CATSPERD: variants seen among roughly 807,000 people sequenced by gnomAD.
CATSPERD encodes cation channel sperm-associated auxiliary subunit delta.
CATSPERD carries 86 observed loss-of-function variants against 98.1 expected under a neutral mutation model. That is an observed-to-expected ratio of 0.88 (90% CI 0.74 to 1.05). The LOEUF is 1.05. Among genes scored for constraint, CATSPERD ranks in the 50% least tolerant of loss-of-function variants. The probability of loss-of-function intolerance (pLI) is 0.00; values close to 1 mark genes in which losing one functional copy is unlikely to be tolerated. For missense variants in CATSPERD, 995 were observed against 1,005.7 expected (o/e 0.99, Z 0.14); for synonymous variants, 394 against 390.2 (o/e 1.01, Z -0.12).
chr19:5,751,379 A>G (rs979345479), intron 11 of CATSPERD, among the ~76,000 whole-genome samples: 1 of 150,178 alleles, frequency 6.7e-6, no homozygotes, highest in South Asian at 2.1e-4. Context: ...CAAAGAAAAA[A>G]AAAATTAGCC....
intron 7 of CATSPERD, among the ~76,000 whole-genome samples, chr19:5,739,789 T>C (rs1217551120): frequency 1.4e-5 from 2 of 147,368 alleles, no homozygotes; most frequent in African/African-American, 5.1e-5. Flanking sequence ...GTGGTGACTA[T>C]GATCACAGCT....
intron 13 of CATSPERD, among the ~76,000 whole-genome samples, chr19:5,756,748 C>T (rs975226716): frequency 1.1e-4 from 16 of 151,916 alleles, no homozygotes; most frequent in African/African-American, 3.6e-4. Flanking sequence ...AGTTTGAGAC[C>T]AGCCTGTGCA....
At chr19:5,753,913 A>T (rs1158971474) in intron 12 of CATSPERD, among the ~76,000 whole-genome samples, 1 of 151,922 alleles carries the variant, frequency 6.6e-6, no homozygotes, top group African/African-American at 2.4e-5. Flanking sequence ...ATTACTGCGC[A>T]TGTCAGGGTT....
chr19:5,738,466 A>T (rs1317175730), intron 6 of CATSPERD, among the ~76,000 whole-genome samples: 3 of 152,168 alleles, frequency 2.0e-5, no homozygotes, highest in East Asian at 3.9e-4. Flanking sequence ...CAGAAGGCGC[A>T]GGTTATAGTG....
chr19:5,742,943 C>T (rs144397769), intron 7 of CATSPERD, among the ~76,000 whole-genome samples: 2 of 152,158 alleles, frequency 1.3e-5, no homozygotes, highest in African/African-American at 4.8e-5. Context: ...TGTCCACATC[C>T]TAATTCCTGG....
At chr19:5,745,526 C>T (rs956270190) in intron 8 of CATSPERD, among the ~76,000 whole-genome samples, 3 of 152,020 alleles carry the variant, frequency 2.0e-5, no homozygotes, top group Non-Finnish European at 4.4e-5. Flanking sequence ...GAGGCTGAGG[C>T]AGGAGAATCA....
chr19:5,744,163 A>C, intron 7 of CATSPERD, among the ~76,000 whole-genome samples: 1 of 152,008 alleles, frequency 6.6e-6, no homozygotes. Flanking sequence ...TATTTTTAGT[A>C]GAGATGGGGT....
In CATSPERD at chr19:5,742,039, GA is replaced by G. The variant is rs1467502006; in HGVS notation, c.574-2377del. The stretch of plus-strand genomic sequence containing the variant: ...TGACAGAGTGAAACTCTGTCTCAAG[GA>G]AAAAAAAAAAGAACAAACAAAAAAA... On this transcript the variant is annotated intron_variant, in intron 7 of 21. Coordinates refer to ENST00000381624, the MANE Select transcript of CATSPERD (RefSeq NM_152784.4). 5.2e-4 allele frequency among the ~76,000 whole-genome samples: 71 copies of G among 136,636 alleles called. 1 individual carries two copies. The highest frequency in any genetic ancestry group is 2.3e-3 in the South Asian group (10 of 4,314). 89.6% of individuals were successfully genotyped at this position (136,636 alleles called of 152,430 possible).
intron 13 of CATSPERD, among the ~76,000 whole-genome samples, chr19:5,756,857 C>T (rs894206154): frequency 6.6e-6 from 1 of 151,952 alleles, no homozygotes; most frequent in African/African-American, 2.4e-5. Flanking sequence ...ACATGAGAAT[C>T]GCTTGAACCC....
At chr19:5,737,814 CACTCCAGCCTGGGCAACAAGAGTGAA>C (rs2055878546) in intron 6 of CATSPERD, among the ~76,000 whole-genome samples, 1 of 149,096 alleles carries the variant, frequency 6.7e-6, no homozygotes, top group African/African-American at 2.5e-5. Flanking sequence ...TGCACCATTG[CACTCCAGCCTGGGCAACAAGAGTGAA>C]ACTCCATCTC....
chr19:5,763,765 C>T (rs1167418870), intron 16 of CATSPERD, among the ~76,000 whole-genome samples: 2 of 146,010 alleles, frequency 1.4e-5, no homozygotes, highest in African/African-American at 5.0e-5. Flanking sequence ...CACTTACAGG[C>T]GTGAGCCACT....
intron 10 of CATSPERD, among the ~76,000 whole-genome samples, chr19:5,748,730 T>TTC (rs1198590179): frequency 2.2e-5 from 3 of 136,112 alleles, no homozygotes; most frequent in Admixed American, 7.6e-5. Context: ...ATATTATTCT[T>TTC]TTTTTTTTTT....
At position 5,759,927 on chromosome 19, in the gene CATSPERD, A is replaced by T. The variant is rs185856014; in HGVS notation, c.1427+783A>T. ...CCCCATCTCTACTAAAAATACAAAA[A>T]TTAGCCGGGCATGGTGGTATGCGCC... On this transcript the variant is annotated intron_variant, in intron 15 of 21. Transcript: ENST00000381624. Among the ~76,000 whole-genome samples, 1,021 of 151,066 alleles carry T rather than the reference A, an allele frequency of 6.8e-3. 19 individuals are homozygous for T. Among genetic ancestry groups the T allele is most frequent in the African/African-American group, 0.024 (984 of 41,116 alleles).
rs762460181 is a variant in CATSPERD at position 5,731,091 on chromosome 19, C to CA, written c.276+1164dup. Reference sequence around the variant, plus strand: ...TGGGTGACAGAGCGAGACTCCGTCTCAAAAAAAAAAAAAAAAAGAGCCCCC... The same window carrying CA: ...TGGGTGACAGAGCGAGACTCCGTCTCAAAAAAAAAAAAAAAAAAGAGCCCCC... On this transcript the variant is annotated intron_variant, in intron 4 of 21. Transcript: ENST00000381624. Among the ~76,000 whole-genome samples the CA allele has an allele frequency of 6.6e-3, 491 of 74,878 alleles. 3 individuals carry two copies. The highest frequency in any genetic ancestry group is 0.019 in the African/African-American group (358 of 18,836). 49.1% of individuals were successfully genotyped at this position (74,878 alleles called of 152,430 possible).
rs550589225 is a variant in CATSPERD, at chr19:5,749,062, C to A, written c.905-39C>A. 4.0e-5 allele frequency: 62 copies of A among 1,547,418 alleles called. 1 individual carries two copies. In the South Asian group the frequency reaches 6.4e-4, roughly 16 times the overall value. On this transcript the variant is annotated intron_variant, in intron 10 of 21. Transcript: ENST00000381624. Reference sequence around the variant, plus strand: ...TGTTTTTGTCCACAGAAATGACCAGCATTTCAATTTTTGTTTTGTCTTGTT... The same window carrying A: ...TGTTTTTGTCCACAGAAATGACCAGAATTTCAATTTTTGTTTTGTCTTGTT...
At chr19:5,751,997 C>CA (rs201946322) in intron 12 of CATSPERD, among the ~76,000 whole-genome samples, 174 bp downstream of exon 12, 1,687 of 151,374 alleles carry the variant, frequency 0.011, 43 homozygotes, top group African/African-American at 0.039. Context: ...ATTTCTAAAA[C>CA]AAAAAAAAAT....
intron 1 of CATSPERD, among the ~76,000 whole-genome samples, chr19:5,724,426 G>A (rs1331184853): frequency 5.3e-5 from 8 of 152,230 alleles, no homozygotes; most frequent in East Asian, 3.9e-4. Flanking sequence ...TTGGCTGGGC[G>A]CAGTGGCTCA....
chr19:5,731,112 C>T (rs956366684), intron 4 of CATSPERD, among the ~76,000 whole-genome samples: 1 of 150,412 alleles, frequency 6.6e-6, no homozygotes, highest in African/African-American at 2.4e-5. Flanking sequence ...AAAAAAAGAG[C>T]CCCCCAAATT....
Position 5,769,217 on chromosome 19 carries a change from C to T in CATSPERD, c.1634+975C>T, listed in dbSNP as rs139022314. On this transcript the variant is annotated intron_variant, in intron 18 of 21. Transcript: ENST00000381624. ...GGGTGCAGTGGCTCACACCTGTAAT[C>T]CCAACACTTTGGAAGGCTGAGGCAG... 2.8e-3 allele frequency among the ~76,000 whole-genome samples: 418 copies of T among 150,140 alleles called. 3 individuals are homozygous for T. The highest frequency in any genetic ancestry group is 9.6e-3 in the African/African-American group (393 of 40,798).
Sources: allele counts gnomAD v4.1 joint callset (sites outside exome capture counted in the v4.1 genomes callset), GRCh38; gene constraint gnomAD v4.1.1; transcripts MANE v1.5; gene names NCBI Gene and HGNC (gene_info 2026-07-23, HGNC 2026-07-21).